Variants in EHBP1 observed in about 807,000 individuals in gnomAD.
EHBP1 encodes EH domain-binding protein 1.
EHBP1 carries 55 observed loss-of-function variants against 144.0 expected under a neutral mutation model. The observed-to-expected ratio is 0.38, with a 90% CI of 0.31 to 0.48. The LOEUF is 0.48. Ranked by LOEUF, EHBP1 falls within the 20% of genes least tolerant of loss-of-function variation. The pLI is 0.98. For synonymous variants in EHBP1, 469 were observed against 472.7 expected (o/e 0.99, Z 0.10); for missense variants, 1,200 against 1,364.2 (o/e 0.88, Z 1.90).
At chr2:62,886,511 GTA>G (rs1225335557) in intron 10 of EHBP1, among the ~76,000 whole-genome samples, 1 of 147,510 alleles carries the variant, frequency 6.8e-6, no homozygotes, top group Non-Finnish European at 1.5e-5. Context: ...CTATTGGTTA[GTA>G]TTTTTTTTTT....
intron 8 of EHBP1, among the ~76,000 whole-genome samples, chr2:62,863,004 C>T (rs989697254): frequency 6.6e-6 from 1 of 152,030 alleles, no homozygotes; most frequent in African/African-American, 2.4e-5. Flanking sequence ...CCACTGAGGC[C>T]GGGCACAGTG....
At chr2:63,031,415 T>C (rs1161306535) in intron 19 of EHBP1, among the ~76,000 whole-genome samples, 3 of 152,204 alleles carry the variant, frequency 2.0e-5, no homozygotes, top group Non-Finnish European at 4.4e-5. Context: ...CCTGTAAAAG[T>C]GACTGACTGT....
At chr2:62,804,192 G>A (rs1462948327) in intron 5 of EHBP1, among the ~76,000 whole-genome samples, 1 of 152,192 alleles carries the variant, frequency 6.6e-6, no homozygotes, top group South Asian at 2.1e-4. Flanking sequence ...GCCTTTGGGG[G>A]AGAGACAGTT....
intron 1 of EHBP1, among the ~76,000 whole-genome samples, chr2:62,699,062 G>T (rs2151758665): frequency 6.6e-6 from 1 of 152,304 alleles, no homozygotes; most frequent in Non-Finnish European, 1.5e-5. Context: ...AAGGGTTGTA[G>T]TCAATGCCCT....
At chr2:62,925,418 A>G (rs921162142) in intron 10 of EHBP1, among the ~76,000 whole-genome samples, 2 of 152,156 alleles carry the variant, frequency 1.3e-5, no homozygotes, top group Non-Finnish European at 2.9e-5. Flanking sequence ...CTGTTTGCAG[A>G]TGACATAATC....
intron 5 of EHBP1, among the ~76,000 whole-genome samples, chr2:62,787,628 G>A (rs1161298446): frequency 6.6e-6 from 1 of 152,134 alleles, no homozygotes; most frequent in Non-Finnish European, 1.5e-5. Context: ...CAAGGTATCT[G>A]GTTAATGTAG....
At chr2:62,896,019 G>T (rs2052894528) in intron 10 of EHBP1, among the ~76,000 whole-genome samples, 1 of 152,136 alleles carries the variant, frequency 6.6e-6, no homozygotes, top group Admixed American at 6.5e-5. Flanking sequence ...CACTCAGTGT[G>T]CCAAGCAATG....
intron 10 of EHBP1, among the ~76,000 whole-genome samples, chr2:62,938,143 G>C (rs1439735713): frequency 2.0e-5 from 3 of 152,216 alleles, no homozygotes; most frequent in African/African-American, 7.2e-5. Context: ...CAATGAAAAT[G>C]AGCAGGTTGT....
chr2:62,924,886 A>G (rs1356537348), intron 10 of EHBP1, among the ~76,000 whole-genome samples: 1 of 152,198 alleles, frequency 6.6e-6, no homozygotes, highest in African/African-American at 2.4e-5. Context: ...AAACCAGCCA[A>G]GGATACAACA....
chr2:62,697,490 C>T (rs913660128), intron 1 of EHBP1, among the ~76,000 whole-genome samples: 1 of 152,182 alleles, frequency 6.6e-6, no homozygotes, highest in Non-Finnish European at 1.5e-5. Flanking sequence ...TCTTTTATAA[C>T]ACTTTTCTCA....
At chr2:62,786,976 G>A (rs1399183629) in intron 5 of EHBP1, among the ~76,000 whole-genome samples, 1 of 152,178 alleles carries the variant, frequency 6.6e-6, no homozygotes, top group Non-Finnish European at 1.5e-5. Context: ...CACTTTAACT[G>A]CTATGTTCCT....
At chr2:62,984,147 AT>A (rs1214409531) in intron 15 of EHBP1, among the ~76,000 whole-genome samples, 4 of 152,096 alleles carry the variant, frequency 2.6e-5, no homozygotes, top group African/African-American at 9.7e-5. Flanking sequence ...TAAGTGAGAA[AT>A]TTTTTTGGAA....
chr2:62,748,454 G>T (rs2039362426), intron 3 of EHBP1, among the ~76,000 whole-genome samples: 1 of 152,000 alleles, frequency 6.6e-6, no homozygotes. Flanking sequence ...AGGAATTTAA[G>T]ACCAGCCTGG....
intron 10 of EHBP1, among the ~76,000 whole-genome samples, chr2:62,913,797 CTTCTT>C (rs1289316155): frequency 6.6e-6 from 1 of 152,166 alleles, no homozygotes; most frequent in Non-Finnish European, 1.5e-5. Flanking sequence ...TTTTATGCCT[CTTCTT>C]TTCATGATAA....
In EHBP1 at chr2:62,948,565, A is replaced by G. The variant is rs1176596077; in HGVS notation, c.1719A>G (p.Leu573=). Residue 573 remains leucine (L), a synonymous_variant, in exon 13 of 23, where the codon TTA becomes TTG. Transcript: ENST00000431489. ...QQPISGAVDF[L]SQDDSVFVND... ...CTATCAGCGGAGCAGTAGACTTCTT[A>G]TCACAGGATGACTCTGTATTTGTAA... The G allele has an allele frequency of 2.5e-6, 4 of 1,614,028 alleles. No individual in the cohort carries two copies. In the African/African-American group the frequency reaches 5.3e-5, roughly 22 times the overall value.
intron 2 of EHBP1, among the ~76,000 whole-genome samples, chr2:62,737,771 GT>G (rs898759447): frequency 5.3e-5 from 8 of 151,060 alleles, no homozygotes; most frequent in Admixed American, 2.0e-4. Flanking sequence ...AAAAAAAAGA[GT>G]TTTTTTTTAG....
rs1254371417 is a variant in EHBP1, at chr2:62,737,029, C to T, written c.105-10366C>T. Among the ~76,000 whole-genome samples, 4 of 152,110 alleles carry T rather than the reference C, an allele frequency of 2.6e-5. No individual in the cohort carries two copies. The East Asian group carries it at 7.7e-4, about 29-fold the overall frequency. ...CTATGATTAAGTCTCAGTCTTTTAG[C>T]GAGCCTGTGCCTCTGGACTGTGAAC... On this transcript the variant is annotated intron_variant, in intron 2 of 22. Coordinates refer to ENST00000431489, the MANE Select transcript of EHBP1 (RefSeq NM_001142616.3).
chr2:62,995,574 T>C (rs1237253231), intron 18 of EHBP1, among the ~76,000 whole-genome samples: 1 of 152,064 alleles, frequency 6.6e-6, no homozygotes, highest in East Asian at 1.9e-4. Flanking sequence ...AGGGAAGGGA[T>C]TTTACAGAAG....
Position 62,729,388 on chromosome 2 carries a change from ATT to A in EHBP1, c.105-18005_105-18004del, listed in dbSNP as rs1405285880. ...AATATAATATAATAATAAATATCATATTTATTATATATAATAAATATAATAAT... is the reference window on the plus strand; with the variant it reads ...AATATAATATAATAATAAATATCATATATTATATATAATAAATATAATAAT... On this transcript the variant is annotated intron_variant, in intron 2 of 22. Transcript: ENST00000431489. Among the ~76,000 whole-genome samples, 69 of 120,690 alleles carry A rather than the reference ATT, an allele frequency of 5.7e-4. 1 individual carries two copies. Among genetic ancestry groups the A allele is most frequent in the South Asian group, 3.8e-3 (17 of 4,452 alleles). 79.2% of individuals were successfully genotyped at this position (120,690 alleles called of 152,430 possible).
Sources: allele counts gnomAD v4.1 joint callset (sites outside exome capture counted in the v4.1 genomes callset), GRCh38; gene constraint gnomAD v4.1.1; transcripts MANE v1.5; gene names NCBI Gene and HGNC (gene_info 2026-07-23, HGNC 2026-07-21).